EPHA6: variants seen among roughly 807,000 people sequenced by gnomAD.
EPHA6 encodes ephrin type-A receptor 6.
In EPHA6, 50 loss-of-function variants were observed where a neutral mutation model predicts 112.0. The ratio of observed to expected loss-of-function variants is 0.45; its 90% confidence interval spans 0.36 to 0.56. The LOEUF (loss-of-function observed/expected upper bound fraction) is 0.56. EPHA6 is among the 20% of genes least tolerant of loss of function. The probability of loss-of-function intolerance (pLI) is 0.00; values close to 1 mark genes in which losing one functional copy is unlikely to be tolerated. For missense variants in EPHA6, 1,280 were observed against 1,417.4 expected (o/e 0.90, Z 1.56); for synonymous variants, 529 against 490.7 (o/e 1.08, Z -1.03).
At chr3:97,133,788 A>G (rs182947959) in intron 3 of EPHA6, among the ~76,000 whole-genome samples, 86 of 152,122 alleles carry the variant, frequency 5.7e-4, no homozygotes, top group Non-Finnish European at 7.5e-4. Flanking sequence ...ATGAATCCCT[A>G]TACCACCTAG....
intron 2 of EPHA6, among the ~76,000 whole-genome samples, chr3:96,954,683 A>G (rs946616758): frequency 6.6e-6 from 1 of 151,598 alleles, no homozygotes; most frequent in Non-Finnish European, 1.5e-5. Flanking sequence ...TAGTTTTATA[A>G]GTTTTAAAAA....
chr3:97,036,808 A>G (rs1453564982), intron 3 of EPHA6, among the ~76,000 whole-genome samples: 1 of 152,008 alleles, frequency 6.6e-6, no homozygotes, highest in Admixed American at 6.6e-5. Flanking sequence ...GGCACTTTAG[A>G]TCCTCTTCCT....
intron 8 of EPHA6, among the ~76,000 whole-genome samples, chr3:97,476,903 G>C (rs2091384842): frequency 6.6e-6 from 1 of 151,904 alleles, no homozygotes. Context: ...GGGAGTATTT[G>C]GGGGTCTCTA....
chr3:97,373,963 G>C (rs1414998638), intron 5 of EPHA6, among the ~76,000 whole-genome samples: 1 of 152,002 alleles, frequency 6.6e-6, no homozygotes, highest in Non-Finnish European at 1.5e-5. Flanking sequence ...TTTTGCTTTT[G>C]ATCTATGACT....
intron 12 of EPHA6, among the ~76,000 whole-genome samples, chr3:97,605,254 G>A (rs555956941): frequency 1.3e-5 from 2 of 151,388 alleles, no homozygotes; most frequent in Non-Finnish European, 3.0e-5. Flanking sequence ...AGAGGAAGGT[G>A]CAAGTAAAGT....
intron 10 of EPHA6, among the ~76,000 whole-genome samples, chr3:97,530,598 GA>G (rs1002141172): frequency 1.3e-3 from 193 of 143,092 alleles, no homozygotes; most frequent in African/African-American, 4.5e-3. Context: ...GAATCACTAA[GA>G]AAAAAAAAAC....
chr3:96,970,633 A>G (rs1427505286), intron 2 of EPHA6, among the ~76,000 whole-genome samples: 5 of 152,064 alleles, frequency 3.3e-5, no homozygotes, highest in Non-Finnish European at 7.4e-5. Context: ...TTAAGAACCA[A>G]CTGCAATCCC....
intron 6 of EPHA6, among the ~76,000 whole-genome samples, chr3:97,424,412 T>G (rs547514241): frequency 6.6e-6 from 1 of 152,222 alleles, no homozygotes; most frequent in South Asian, 2.1e-4. Flanking sequence ...CCCCCAAATC[T>G]TAACTCATTT....
chr3:97,405,094 G>T (rs2087253111), intron 5 of EPHA6, 56 bp from the exon 6 acceptor site: 1 of 1,532,958 alleles, frequency 6.5e-7, no homozygotes, highest in Non-Finnish European at 8.8e-7. Flanking sequence ...ATTAAAGAAA[G>T]GATAATGGAA....
At chr3:96,884,428 T>G (rs1278459682) in intron 2 of EPHA6, among the ~76,000 whole-genome samples, 3 of 152,170 alleles carry the variant, frequency 2.0e-5, no homozygotes, top group East Asian at 3.9e-4. Context: ...TGCAGAAGTC[T>G]TTTGACTCCT....
chr3:97,628,964 C>T (rs1389039939), intron 13 of EPHA6, among the ~76,000 whole-genome samples: 1 of 151,854 alleles, frequency 6.6e-6, no homozygotes, highest in Non-Finnish European at 1.5e-5. Flanking sequence ...TTATTTGGAG[C>T]CTTTATTGCC....
chr3:97,649,164 C>T (rs755306883), intron 14 of EPHA6, among the ~76,000 whole-genome samples: 1 of 151,970 alleles, frequency 6.6e-6, no homozygotes, highest in African/African-American at 2.4e-5. Context: ...CTCACAGTTC[C>T]GTATGGCTGG....
chr3:97,508,606 T>C lies in EPHA6; in HGVS notation c.2201-23752T>C, dbSNP rs1387001961. Among the ~76,000 whole-genome samples the C allele has an allele frequency of 6.6e-5, 10 of 152,278 alleles. No homozygotes were observed. In the South Asian group the frequency reaches 1.0e-3, roughly 16 times the overall value. On this transcript the variant is annotated intron_variant, in intron 10 of 17. Transcript: ENST00000389672. Reference sequence around the variant, plus strand: ...GTGGTCAATTTTAGAGTAAGTGCGATGTGGTGCTGAGAAGAATGTATATTC... The same window carrying C: ...GTGGTCAATTTTAGAGTAAGTGCGACGTGGTGCTGAGAAGAATGTATATTC...
At chr3:97,376,352 A>C (rs958727811) in intron 5 of EPHA6, among the ~76,000 whole-genome samples, 9 of 152,316 alleles carry the variant, frequency 5.9e-5, no homozygotes, top group African/African-American at 2.2e-4. Flanking sequence ...TAAAAATGAA[A>C]TAGGCAGGCT....
chr3:97,384,454 G>T (rs1044458963), intron 5 of EPHA6, among the ~76,000 whole-genome samples: 10 of 152,172 alleles, frequency 6.6e-5, no homozygotes, highest in African/African-American at 2.4e-4. Context: ...TGATTCTCCT[G>T]CCATCCCCAC....
At chr3:97,522,915 T>C (rs754847721) in intron 10 of EPHA6, among the ~76,000 whole-genome samples, 3 of 152,116 alleles carry the variant, frequency 2.0e-5, no homozygotes, top group Non-Finnish European at 4.4e-5. Flanking sequence ...TTGAGTCTTA[T>C]CTCTTTTTTT....
intron 2 of EPHA6, among the ~76,000 whole-genome samples, chr3:96,979,842 A>G (rs554578787): frequency 2.0e-5 from 3 of 152,306 alleles, no homozygotes; most frequent in African/African-American, 7.2e-5. Context: ...GGCTGCATAA[A>G]TATCTTCTTT....
chr3:97,031,166 G>T (rs1203731765), intron 3 of EPHA6, among the ~76,000 whole-genome samples: 2 of 152,012 alleles, frequency 1.3e-5, no homozygotes, highest in South Asian at 2.1e-4. Flanking sequence ...TCTGATCTTT[G>T]ACAAACTTGA....
intron 10 of EPHA6, among the ~76,000 whole-genome samples, chr3:97,516,579 A>G (rs1198406289): frequency 6.6e-6 from 1 of 152,196 alleles, no homozygotes. Flanking sequence ...GATAACATTA[A>G]TAATAACGGA....
Sources: allele counts gnomAD v4.1 joint callset (sites outside exome capture counted in the v4.1 genomes callset), GRCh38; gene constraint gnomAD v4.1.1; transcripts MANE v1.5; gene names NCBI Gene and HGNC (gene_info 2026-07-23, HGNC 2026-07-21).